The following SCN9A variants were observed in gnomAD, a reference collection of about 807,000 sequenced individuals.
The protein encoded by SCN9A is sodium voltage-gated channel alpha subunit 9.
SCN9A carries 131 observed loss-of-function variants against 187.0 expected under a neutral mutation model. That is an observed-to-expected ratio of 0.70 (90% confidence interval 0.61 to 0.81). The LOEUF is 0.81. SCN9A is among the 30% of genes least tolerant of loss of function. The pLI, the probability that SCN9A is intolerant of heterozygous loss-of-function variation, is 0.00. For synonymous variants in SCN9A, 809 were observed against 808.6 expected (o/e 1.00, Z -0.01); for missense variants, 2,252 against 2,396.6 (o/e 0.94, Z 1.26).
At chr2:166,308,934 A>AAAG (rs951038396) in intron 2 of SCN9A, among the ~76,000 whole-genome samples, 3 of 151,202 alleles carry the variant, frequency 2.0e-5, no homozygotes, top group African/African-American at 7.3e-5. Context: ...TCAAAAAAAA[A>AAAG]AAAAAAAAAA....
chr2:166,201,908 AT>A (rs547193581), intron 26 of SCN9A, among the ~76,000 whole-genome samples: 1 of 151,584 alleles, frequency 6.6e-6, no homozygotes, highest in East Asian at 1.9e-4. Context: ...ATTTATTTGC[AT>A]TTTTTGTGAA....
At chr2:166,350,879 CTAAGAG>C (rs1170368160) in intron 1 of SCN9A, among the ~76,000 whole-genome samples, 1 of 152,084 alleles carries the variant, frequency 6.6e-6, no homozygotes, top group African/African-American at 2.4e-5. Flanking sequence ...ATGGTTATAA[CTAAGAG>C]TAAGAAACAG....
chr2:166,305,164 G>T (rs758720517), intron 5 of SCN9A, among the ~76,000 whole-genome samples: 1 of 151,772 alleles, frequency 6.6e-6, no homozygotes, highest in Non-Finnish European at 1.5e-5. Context: ...AGTCATTAAC[G>T]GAAAATAGAA....
intron 4 of SCN9A, 133 bp from the exon 5 acceptor site, chr2:166,306,053 C>T: frequency 2.2e-6 from 2 of 923,448 alleles, no homozygotes; most frequent in Non-Finnish European, 1.6e-6. Context: ...TATGGACACA[C>T]CCTATTAAAC....
intron 1 of SCN9A, among the ~76,000 whole-genome samples, chr2:166,329,575 G>GT (rs1699448911): frequency 7.8e-6 from 1 of 128,136 alleles, no homozygotes; most frequent in Non-Finnish European, 1.6e-5. Flanking sequence ...TTGGGGGGGG[G>GT]TTGTTGTTGT....
intron 7 of SCN9A, chr2:166,301,849 GA>G (rs1698567771): frequency 6.6e-6 from 1 of 150,806 alleles, no homozygotes; most frequent in African/African-American, 2.5e-5. Context: ...AAAAGAAGGG[GA>G]AAATATGCTA....
intron 1 of SCN9A, among the ~76,000 whole-genome samples, chr2:166,343,316 T>A (rs1699828226): frequency 6.6e-6 from 1 of 152,130 alleles, no homozygotes; most frequent in Non-Finnish European, 1.5e-5. Flanking sequence ...TATGTTGATA[T>A]TTTATAGAAC....
At chr2:166,340,582 CTT>C (rs1491456531) in intron 1 of SCN9A, among the ~76,000 whole-genome samples, 2 of 70,652 alleles carry the variant, frequency 2.8e-5, no homozygotes, top group Admixed American at 2.7e-4. Context: ...TTCTTTCTTT[CTT>C]TCTTTCTTTC....
Position 166,199,613 on chromosome 2 carries a change from T to G in SCN9A, c.5026A>C (p.Asn1676His). ...AAGGTCTCAAAATTGAACATGTCAT[T>G]AATTCCATCTTCCTTTTTAACATAG... The part of the protein sequence containing the change: ...FAYVKKEDGI[N>H]DMFNFETFGN... Residue 1676 changes from asparagine to histidine, a missense_variant, in exon 27 of 27, where the codon AAT becomes CAT. Transcript: ENST00000642356. 1 of 1,614,166 alleles carries G rather than the reference T, an allele frequency of 6.2e-7. No homozygotes were observed. Among genetic ancestry groups the G allele is most frequent in the Middle Eastern group, 1.6e-4 (1 of 6,062 alleles).
intron 24 of SCN9A, among the ~76,000 whole-genome samples, chr2:166,206,366 G>T (rs565253934): frequency 6.6e-6 from 1 of 152,200 alleles, no homozygotes; most frequent in East Asian, 1.9e-4. Flanking sequence ...CCTTTGTAGG[G>T]ACATGCATGA....
chr2:166,271,787 G>T (rs900222450), intron 17 of SCN9A, among the ~76,000 whole-genome samples: 15 of 151,942 alleles, frequency 9.9e-5, no homozygotes, highest in Non-Finnish European at 2.2e-4. Flanking sequence ...GAGCCCAGGA[G>T]TTCAAGGTTG....
chr2:166,228,055 G>A (rs1694914735), intron 22 of SCN9A, among the ~76,000 whole-genome samples: 1 of 152,036 alleles, frequency 6.6e-6, no homozygotes, highest in Non-Finnish European at 1.5e-5. Flanking sequence ...CTCCATGCCT[G>A]TGGGAAGTTC....
intron 17 of SCN9A, among the ~76,000 whole-genome samples, chr2:166,269,841 G>C (rs529021047): frequency 3.9e-5 from 6 of 152,132 alleles, no homozygotes; most frequent in Admixed American, 1.3e-4. Flanking sequence ...ACTTTCCCCA[G>C]CTCCTGAAGT....
At chr2:166,209,807 A>G (rs1693997668) in intron 24 of SCN9A, among the ~76,000 whole-genome samples, 1 of 151,992 alleles carries the variant, frequency 6.6e-6, no homozygotes, top group African/African-American at 2.4e-5. Flanking sequence ...TCAGGAAACA[A>G]CAGGTGCTGG....
chr2:166,329,391 TC>T (rs1699441985), intron 1 of SCN9A, among the ~76,000 whole-genome samples: 1 of 152,192 alleles, frequency 6.6e-6, no homozygotes, highest in South Asian at 2.1e-4. Context: ...TAGGTTCATT[TC>T]ATTTTACTTA....
At chr2:166,334,213 A>C (rs1177715945) in intron 1 of SCN9A, among the ~76,000 whole-genome samples, 1 of 152,136 alleles carries the variant, frequency 6.6e-6, no homozygotes, top group Non-Finnish European at 1.5e-5. Flanking sequence ...AATGTGAAAG[A>C]ACTGAAAATA....
Position 166,371,593 on chromosome 2 carries a change from A to G in SCN9A, c.-51+4104T>C, listed in dbSNP as rs535039496. 1.8e-4 allele frequency among the ~76,000 whole-genome samples: 27 copies of G among 152,314 alleles called. No individual in the cohort carries two copies. The East Asian group carries it at 5.0e-3, about 28-fold the overall frequency. ...TATTCCACAAAAGTATTCTACCCAC[A>G]TTCTCTGGATGCTCTCATAAATCCT... On this transcript the variant is annotated intron_variant, in intron 1 of 26. Coordinates refer to ENST00000642356, the MANE Select transcript of SCN9A (RefSeq NM_001365536.1).
chr2:166,326,091 ACT>A (rs1699356468), intron 1 of SCN9A, among the ~76,000 whole-genome samples: 1 of 152,016 alleles, frequency 6.6e-6, no homozygotes, highest in South Asian at 2.1e-4. Flanking sequence ...GGATCTGAAA[ACT>A]CTGTTCTATG....
chr2:166,322,012 A>G (rs1301485953), intron 1 of SCN9A, among the ~76,000 whole-genome samples: 1 of 152,188 alleles, frequency 6.6e-6, no homozygotes, highest in Admixed American at 6.5e-5. Flanking sequence ...GGTCTTTCCT[A>G]GCATTTATTT....
Sources: gnomAD v4.1 joint callset for allele counts (sites outside exome capture counted in the v4.1 genomes callset) on GRCh38, gnomAD v4.1.1 for gene constraint, MANE v1.5 for transcripts, NCBI Gene and HGNC (gene_info 2026-07-23, HGNC 2026-07-21) for gene names.